Variants in TUFT1 observed in about 807,000 individuals in gnomAD.
TUFT1 encodes the protein tuftelin.
In TUFT1, 43 loss-of-function variants were observed where a neutral mutation model predicts 57.8. The ratio of observed to expected loss-of-function variants is 0.74; its 90% CI spans 0.58 to 0.96. The LOEUF is 0.96. Ranked by LOEUF, TUFT1 falls within the 40% of genes least tolerant of loss-of-function variation. TUFT1 has a pLI of 0.00. For synonymous variants in TUFT1, 166 were observed against 176.7 expected, an observed-to-expected ratio of 0.94 and a Z score of 0.48; for missense variants, 459 against 489.0, an observed-to-expected ratio of 0.94 and a Z score of 0.58.
chr1:151,571,282 C>A (rs1320028486), intron 7 of TUFT1, among the ~76,000 whole-genome samples: 1 of 152,164 alleles, frequency 6.6e-6, no homozygotes, highest in African/African-American at 2.4e-5. Context: ...ATTATTTGAA[C>A]AAGTAGTTTA....
In TUFT1 at chr1:151,582,419, T is replaced by TA. The variant is rs1170353571; in HGVS notation, c.*712_*713insA. ...TGCTGTGAAAACTCCCAGAGTCTCT[T>TA]TAGGGATTTTCCCTAAGGTGTACCA... On this transcript the variant is annotated 3_prime_UTR_variant, in exon 13 of 13. Coordinates refer to ENST00000368849, the MANE Select transcript of TUFT1 (RefSeq NM_020127.3). 2.0e-5 allele frequency: 7 copies of TA among 348,956 alleles called. No individual in the cohort carries two copies. The highest frequency in any genetic ancestry group is 3.9e-5 in the Non-Finnish European group (7 of 177,360). The allele number at this position is 348,956 out of a possible 1,614,324, so 21.6% of individuals were successfully genotyped here. A position where few individuals can be genotyped will look rare whatever the true frequency, so the allele number is the denominator to read the frequency against.
intron 1 of TUFT1, chr1:151,561,643 C>T (rs1665897704): frequency 3.4e-6 from 4 of 1,185,578 alleles, no homozygotes; most frequent in Non-Finnish European, 4.3e-6. Context: ...AATTCAGGTA[C>T]TTTCCTATAG....
intron 9 of TUFT1, among the ~76,000 whole-genome samples, chr1:151,576,864 A>T (rs1355551123): frequency 6.6e-6 from 1 of 152,236 alleles, no homozygotes; most frequent in South Asian, 2.1e-4. Context: ...ACCTCAAGCA[A>T]TCTGCCCGCC....
At chr1:151,565,231 C>T (rs1241652650) in intron 5 of TUFT1, among the ~76,000 whole-genome samples, 1 of 152,180 alleles carries the variant, frequency 6.6e-6, no homozygotes, top group Non-Finnish European at 1.5e-5. Context: ...GTAAGTCTTT[C>T]CTGGGAGGGA....
Position 151,569,649 on chromosome 1 carries a change from G to A in TUFT1, c.481-8G>A, listed in dbSNP as rs1363212335. 1 of 1,611,844 alleles carries A rather than the reference G, an allele frequency of 6.2e-7. No homozygotes were observed. The highest frequency in any genetic ancestry group is 8.5e-7 in the Non-Finnish European group (1 of 1,178,226). ...GGCTTCCCCTTCCCTTCCTTGTTCTGGCTGTAGGTGGACACCTGTATAAAT... is the reference window on the plus strand; with the variant it reads ...GGCTTCCCCTTCCCTTCCTTGTTCTAGCTGTAGGTGGACACCTGTATAAAT... On this transcript the variant is annotated splice_region_variant and splice_polypyrimidine_tract_variant and intron_variant, in intron 6 of 12. Coordinates refer to ENST00000368849, the MANE Select transcript of TUFT1 (RefSeq NM_020127.3).
At chr1:151,554,102 G>C (rs1011511309) in intron 1 of TUFT1, among the ~76,000 whole-genome samples, 2 of 152,156 alleles carry the variant, frequency 1.3e-5, no homozygotes, top group African/African-American at 4.8e-5. Flanking sequence ...GTAGTACAGA[G>C]AACTCTTATA....
chr1:151,579,992 A>G (rs1383864631), intron 11 of TUFT1, among the ~76,000 whole-genome samples: 1 of 152,210 alleles, frequency 6.6e-6, no homozygotes, highest in Non-Finnish European at 1.5e-5. Flanking sequence ...GCCACATGCC[A>G]TGGCTGCACA....
At chr1:151,577,758 C>T (rs1666521052) in intron 9 of TUFT1, among the ~76,000 whole-genome samples, 1 of 152,152 alleles carries the variant, frequency 6.6e-6, no homozygotes, top group Non-Finnish European at 1.5e-5. Flanking sequence ...CATGGCGGCT[C>T]ACACCTGTAA....
chr1:151,569,978 G>T (rs909977749), intron 7 of TUFT1, among the ~76,000 whole-genome samples: 10 of 152,196 alleles, frequency 6.6e-5, no homozygotes, highest in Admixed American at 2.6e-4. Context: ...ATAGTTCAAA[G>T]GTCAGCTCGG....
At chr1:151,557,509 G>A (rs1165216734) in intron 1 of TUFT1, 8 of 1,400,932 alleles carry the variant, frequency 5.7e-6, no homozygotes, top group Non-Finnish European at 8.1e-6. Flanking sequence ...AGTCATGGTG[G>A]CCAAGAAGGA....
Position 151,540,404 on chromosome 1 carries a change from T to G in TUFT1, c.38T>G (p.Val13Gly), listed in dbSNP as rs1032731192. Reference protein sequence around the residue: ...GTRNWCTLVDVHPEDQAAGSV... With the variant: ...GTRNWCTLVDGHPEDQAAGSV... Reference sequence around the variant, plus strand: ...CGGAACTGGTGTACCCTGGTGGACGTGCACCCAGAGGACCAGGCGGCGGTA... The same window carrying G: ...CGGAACTGGTGTACCCTGGTGGACGGGCACCCAGAGGACCAGGCGGCGGTA... Residue 13 changes from valine to glycine, a missense_variant, in exon 1 of 13, where the codon GTG becomes GGG. Coordinates refer to ENST00000368849, the MANE Select transcript of TUFT1 (RefSeq NM_020127.3). 6.2e-7 allele frequency: 1 copy of G among 1,614,188 alleles called. No individual in the cohort carries two copies. Among genetic ancestry groups the G allele is most frequent in the South Asian group, 1.1e-5 (1 of 91,090 alleles).
At chr1:151,541,971 T>A (rs1247616167) in intron 1 of TUFT1, among the ~76,000 whole-genome samples, 1 of 152,156 alleles carries the variant, frequency 6.6e-6, no homozygotes, top group East Asian at 1.9e-4. Context: ...CTCAGCCTCC[T>A]GAGTAGCTGG....
chr1:151,557,534 A>G (rs897061884), intron 1 of TUFT1: 4 of 1,231,994 alleles, frequency 3.2e-6, no homozygotes, highest in Non-Finnish European at 3.6e-6. Flanking sequence ...CACATGCCTA[A>G]GCACCGGGAG....
intron 10 of TUFT1, 38 bp downstream of exon 10, chr1:151,578,864 C>A: frequency 6.7e-7 from 1 of 1,482,206 alleles, no homozygotes; most frequent in South Asian, 1.2e-5. Context: ...CTCGGGGAGT[C>A]ACCCCAAGTC....
intron 1 of TUFT1, among the ~76,000 whole-genome samples, chr1:151,551,741 TG>T (rs1487141199): frequency 6.6e-6 from 1 of 152,154 alleles, no homozygotes; most frequent in Non-Finnish European, 1.5e-5. Context: ...CAGGGTACAT[TG>T]GGGTACTGGA....
At chr1:151,544,341 G>A (rs1665265347) in intron 1 of TUFT1, among the ~76,000 whole-genome samples, 1 of 152,036 alleles carries the variant, frequency 6.6e-6, no homozygotes, top group South Asian at 2.1e-4. Context: ...CTGTCACCCA[G>A]GCTGGGGTGC....
chr1:151,576,504 T>A (rs1666466337), intron 9 of TUFT1, among the ~76,000 whole-genome samples: 1 of 152,176 alleles, frequency 6.6e-6, no homozygotes. Context: ...TCACAAGTAG[T>A]GGGGTCTAGG....
At position 151,578,744 on chromosome 1, in the gene TUFT1, T is replaced by G; in HGVS notation, c.842T>G (p.Val281Gly). Residue 281 changes from valine to glycine, a missense_variant, in exon 10 of 13, where the codon GTG becomes GGG. Val to Gly is a moderately radical substitution (Grantham distance 109). Coordinates refer to ENST00000368849, the MANE Select transcript of TUFT1 (RefSeq NM_020127.3). ...REKAATLEKE[V>G]AGLREKIHHL... ...AGGGCTGCTACCCTGGAAAAGGAAG[T>G]GGCCGGGTTGCGGGAGAAGATCCAC... 1 of 1,577,138 alleles carries G rather than the reference T, an allele frequency of 6.3e-7. No individual in the cohort carries two copies. The highest frequency in any genetic ancestry group is 8.6e-7 in the Non-Finnish European group (1 of 1,160,050).
intron 1 of TUFT1, among the ~76,000 whole-genome samples, chr1:151,557,243 T>C (rs866904640): frequency 2.0e-5 from 3 of 152,282 alleles, no homozygotes; most frequent in African/African-American, 7.2e-5. Context: ...GAGAAACCTT[T>C]CCTTCCTTTA....
Sources: allele counts gnomAD v4.1 joint callset (sites outside exome capture counted in the v4.1 genomes callset), GRCh38; gene constraint gnomAD v4.1.1; transcripts MANE v1.5; gene names NCBI Gene and HGNC (gene_info 2026-07-23, HGNC 2026-07-21).